Variants in AGMO observed in about 807,000 individuals in gnomAD.
AGMO encodes the protein alkylglycerol monooxygenase.
A neutral mutation model predicts 60.2 loss-of-function variants in AGMO; 75 were observed. That is an observed-to-expected ratio of 1.25 (90% CI 1.03 to 1.51). The LOEUF is 1.51. Among genes scored for constraint, AGMO ranks in the 40% most tolerant of loss-of-function variants. The pLI, the probability that AGMO is intolerant of heterozygous loss-of-function variation, is 0.00. For synonymous variants in AGMO, 261 were observed against 177.1 expected, an observed-to-expected ratio of 1.47 and a Z score of -3.76; for missense variants, 763 against 525.5, an observed-to-expected ratio of 1.45 and a Z score of -4.42.
the AGMO span, among the ~76,000 whole-genome samples, chr7:15,180,344 AT>A: frequency 1.3e-5 from 2 of 151,816 alleles, no homozygotes; most frequent in African/African-American, 4.8e-5. Context: ...CTATTTAGAT[AT>A]TTTTTTTCAT....
At chr7:15,414,891 AT>A (rs1393918475) in intron 5 of AGMO, among the ~76,000 whole-genome samples, 1 of 152,104 alleles carries the variant, frequency 6.6e-6, no homozygotes, top group African/African-American at 2.4e-5. Context: ...CATCTAATGG[AT>A]TTTTTTAAGT....
intron 12 of AGMO, among the ~76,000 whole-genome samples, chr7:15,329,666 T>C (rs1037338552): frequency 1.3e-5 from 2 of 152,234 alleles, no homozygotes; most frequent in Admixed American, 6.5e-5. Flanking sequence ...ATTCTTGATA[T>C]ATCCTGTCCA....
chr7:15,287,044 G>C (rs1223348078), intron 12 of AGMO, among the ~76,000 whole-genome samples: 2 of 152,112 alleles, frequency 1.3e-5, no homozygotes, highest in Admixed American at 1.3e-4. Flanking sequence ...GGCATACAGA[G>C]TGGTATAATG....
At position 15,291,027 on chromosome 7, in the gene AGMO, A is replaced by G. The variant is rs185897344; in HGVS notation, c.1263+74487T>C. On this transcript the variant is annotated intron_variant, in intron 12 of 12. Transcript: ENST00000342526. ...TGCATTTTATTCATTCTTGTGTGCA[A>G]TAAAACTCAAGCTTTACAAATTTTC... Among the ~76,000 whole-genome samples, 316 of 152,300 alleles carry G rather than the reference A, an allele frequency of 2.1e-3. 2 individuals carry two copies. The Middle Eastern group carries it at 0.024, about 11-fold the overall frequency.
chr7:15,436,310 A>T (rs1300884969), intron 3 of AGMO, among the ~76,000 whole-genome samples: 1 of 106,084 alleles, frequency 9.4e-6, no homozygotes, highest in Non-Finnish European at 2.1e-5. Flanking sequence ...AGATCAAGGC[A>T]CTGGTAGGTT....
rs558232780 is a variant in AGMO at position 15,374,238 on chromosome 7, CCTA to C, written c.1075-8019_1075-8017del. On this transcript the variant is annotated intron_variant, in intron 10 of 12. Transcript: ENST00000342526. ...CAATATTGGCTATCTTATTCTTTTC[CCTA>C]CTTTTTCAGAACTCCCTAGGTGGCT... 2.0e-5 allele frequency among the ~76,000 whole-genome samples: 3 copies of C among 152,042 alleles called. No individual in the cohort carries two copies. The South Asian group carries it at 6.2e-4, about 32-fold the overall frequency.
At chr7:15,361,336 G>C (rs1476179332) in intron 12 of AGMO, among the ~76,000 whole-genome samples, 1 of 149,548 alleles carries the variant, frequency 6.7e-6, no homozygotes, top group Non-Finnish European at 1.5e-5. Flanking sequence ...TCAGGAGATT[G>C]AGACCATCCT....
chr7:15,386,797 C>T (rs1247225226), intron 9 of AGMO, among the ~76,000 whole-genome samples: 3 of 152,150 alleles, frequency 2.0e-5, no homozygotes, highest in South Asian at 2.1e-4. Flanking sequence ...TTAAAAAGCA[C>T]CTTCTCTTTC....
intron 3 of AGMO, among the ~76,000 whole-genome samples, chr7:15,517,764 G>A (rs573226161): frequency 6.6e-6 from 1 of 151,804 alleles, no homozygotes; most frequent in Admixed American, 6.5e-5. Context: ...CGAGCTAGCT[G>A]CAGGAATTTT....
chr7:15,242,545 G>C (rs112312538), intron 12 of AGMO, among the ~76,000 whole-genome samples: 141 of 152,254 alleles, frequency 9.3e-4, no homozygotes, highest in African/African-American at 3.0e-3. Context: ...TGGGTGTAAA[G>C]ATCCAGTATC....
intron 12 of AGMO, among the ~76,000 whole-genome samples, chr7:15,244,981 G>A (rs1462800034): frequency 1.3e-5 from 2 of 152,082 alleles, no homozygotes; most frequent in East Asian, 1.9e-4. Flanking sequence ...AGAGATAAAT[G>A]TGTAACTAAT....
chr7:15,145,220 T>C, the AGMO span, among the ~76,000 whole-genome samples: 1 of 152,174 alleles, frequency 6.6e-6, no homozygotes, highest in Non-Finnish European at 1.5e-5. Flanking sequence ...AGTAAATAAA[T>C]GTATTATGTC....
intron 5 of AGMO, among the ~76,000 whole-genome samples, chr7:15,405,904 T>C (rs1362221289): frequency 6.6e-6 from 1 of 151,902 alleles, no homozygotes; most frequent in Non-Finnish European, 1.5e-5. Flanking sequence ...TGTATAATCT[T>C]ATTCATTATG....
intron 3 of AGMO, among the ~76,000 whole-genome samples, chr7:15,486,424 C>T (rs746600468): frequency 6.6e-6 from 1 of 152,062 alleles, no homozygotes; most frequent in Non-Finnish European, 1.5e-5. Flanking sequence ...CTGGTAAACA[C>T]GAACACATGC....
chr7:15,193,909 G>A, the AGMO span, among the ~76,000 whole-genome samples: 1 of 151,802 alleles, frequency 6.6e-6, no homozygotes, highest in African/African-American at 2.4e-5. Context: ...AAATTTCTAG[G>A]CAATTTGCAA....
At chr7:15,194,209 T>C in the AGMO span, among the ~76,000 whole-genome samples, 1 of 152,186 alleles carries the variant, frequency 6.6e-6, no homozygotes, top group Non-Finnish European at 1.5e-5. Flanking sequence ...GTTACATTAA[T>C]TGAATGAAAA....
chr7:15,320,227 G>C (rs1053343291), intron 12 of AGMO, among the ~76,000 whole-genome samples: 1 of 151,750 alleles, frequency 6.6e-6, no homozygotes, highest in African/African-American at 2.4e-5. Context: ...AAACCTGCAC[G>C]TTTTACACAT....
At chr7:15,525,725 G>A (rs1784111809) in intron 3 of AGMO, among the ~76,000 whole-genome samples, 1 of 152,118 alleles carries the variant, frequency 6.6e-6, no homozygotes, top group Non-Finnish European at 1.5e-5. Context: ...CCCACTTGAT[G>A]AGAAGCAGAG....
chr7:15,552,851 G>T (rs1380562681), intron 2 of AGMO, among the ~76,000 whole-genome samples: 1 of 149,482 alleles, frequency 6.7e-6, no homozygotes, highest in African/African-American at 2.4e-5. Context: ...AAATCATGCT[G>T]CTATAAAGAC....
Sources: gnomAD v4.1 joint callset for allele counts (sites outside exome capture counted in the v4.1 genomes callset) on GRCh38, gnomAD v4.1.1 for gene constraint, MANE v1.5 for transcripts, NCBI Gene and HGNC (gene_info 2026-07-23, HGNC 2026-07-21) for gene names.